The following DMD variants were observed in gnomAD, a reference collection of about 807,000 sequenced individuals.
DMD encodes the protein dystrophin.
Under a neutral mutation model 330.1 loss-of-function variants are expected in DMD, and 63 were observed. That is an observed-to-expected ratio of 0.19 (90% CI 0.16 to 0.24). The LOEUF is 0.24. Ranked by LOEUF, DMD falls within the 10% of genes least tolerant of loss-of-function variation. The pLI is 1.00. For synonymous variants in DMD, 1,223 were observed against 959.8 expected, an observed-to-expected ratio of 1.27 and a Z score of -5.07; for missense variants, 3,344 against 2,684.1, an observed-to-expected ratio of 1.25 and a Z score of -5.43.
intron 45 of DMD, among the ~76,000 whole-genome samples, chrX:31,949,811 A>T (rs1392123744): frequency 9.0e-6 from 1 of 110,971 alleles, no homozygotes; most frequent in Admixed American, 9.6e-5. Context: ...AATGTTGTTC[A>T]TGTTATTACA....
chrX:31,560,655 C>A (rs1318592752), intron 55 of DMD, among the ~76,000 whole-genome samples: 2 of 110,992 alleles, frequency 1.8e-5, no homozygotes, highest in Non-Finnish European at 3.8e-5. Flanking sequence ...CTGGGCCCAG[C>A]ATTTAGATTG....
chrX:33,226,782 T>TTATC (rs1348651389), intron 1 of DMD, among the ~76,000 whole-genome samples: 1 of 109,879 alleles, frequency 9.1e-6, no homozygotes, highest in Non-Finnish European at 1.9e-5. Context: ...GAATTTACAG[T>TTATC]TATCTATCTA....
At chrX:32,077,773 A>T (rs185993447) in intron 44 of DMD, among the ~76,000 whole-genome samples, 1 of 111,746 alleles carries the variant, frequency 8.9e-6, no homozygotes, top group Non-Finnish European at 1.9e-5. Flanking sequence ...CCAAAAAATT[A>T]TATGTTGCCA....
At chrX:32,189,884 A>AT (rs760333810) in intron 44 of DMD, among the ~76,000 whole-genome samples, 292 of 110,589 alleles carry the variant, frequency 2.6e-3, no homozygotes, top group African/African-American at 8.1e-3. Flanking sequence ...GTTTTGTTAC[A>AT]TTTTTTTTAT....
rs138615395 is a variant in DMD at position 31,891,411 on chromosome X, G to A, written c.6913-16038C>T. ...CCAAAATAGTTTTATATTCTGCGAGGATTGTTGCCATAACCCCATTTCAAC... is the reference window on the plus strand; with the variant it reads ...CCAAAATAGTTTTATATTCTGCGAGAATTGTTGCCATAACCCCATTTCAAC... On this transcript the variant is annotated intron_variant, in intron 47 of 78. Coordinates refer to ENST00000357033, the MANE Select transcript of DMD (RefSeq NM_004006.3). 8.6e-3 allele frequency among the ~76,000 whole-genome samples: 963 copies of A among 111,986 alleles called. 5 individuals carry two copies. Among genetic ancestry groups the A allele is most frequent in the Non-Finnish European group, 0.015 (782 of 53,177 alleles).
At chrX:32,448,014 G>A (rs1055938827) in intron 27 of DMD, among the ~76,000 whole-genome samples, 5 of 110,740 alleles carry the variant, frequency 4.5e-5, no homozygotes, top group African/African-American at 1.6e-4. Flanking sequence ...AAAGACAATT[G>A]TAGTAAAAAC....
At chrX:31,312,515 T>A (rs1277351049) in intron 62 of DMD, among the ~76,000 whole-genome samples, 1 of 112,443 alleles carries the variant, frequency 8.9e-6, no homozygotes, top group Non-Finnish European at 1.9e-5. Context: ...GATGGGAATG[T>A]AAATTAGTTC....
Position 32,559,246 on chromosome X carries a change from C to T in DMD, c.1992+6456G>A, listed in dbSNP as rs949782342. Among the ~76,000 whole-genome samples the T allele has an allele frequency of 3.8e-4, 42 of 110,894 alleles. No individual in the cohort carries two copies. The Admixed American group carries it at 4.0e-3, about 11-fold the overall frequency. On this transcript the variant is annotated intron_variant, in intron 16 of 78. Transcript: ENST00000357033. The stretch of plus-strand genomic sequence containing the variant: ...GGGATTACAAGTGTGAGCCACCACA[C>T]TCGGTCAACTTCAAATTTTTCTAAT...
chrX:32,942,436 G>C (rs1366064353), intron 2 of DMD, among the ~76,000 whole-genome samples: 1 of 111,023 alleles, frequency 9.0e-6, no homozygotes, highest in African/African-American at 3.3e-5. Context: ...CCAGCTAGTT[G>C]GGAGGCTGAG....
At chrX:31,217,847 G>GATAC (rs1204541317) in intron 64 of DMD, among the ~76,000 whole-genome samples, 1 of 111,983 alleles carries the variant, frequency 8.9e-6, no homozygotes, top group African/African-American at 3.2e-5. Flanking sequence ...ACTTAATTTA[G>GATAC]ATACATACAC....
intron 1 of DMD, among the ~76,000 whole-genome samples, chrX:33,323,165 C>T (rs778077671): frequency 4.5e-5 from 5 of 111,734 alleles, no homozygotes; most frequent in African/African-American, 1.6e-4. Context: ...TGGCAACCAA[C>T]AGGTTAGAAA....
chrX:32,969,054 A>ACC, intron 2 of DMD, among the ~76,000 whole-genome samples: 1 of 94,804 alleles, frequency 1.1e-5, no homozygotes, highest in African/African-American at 4.2e-5. Flanking sequence ...AAAAAAAAAA[A>ACC]AAGAACCTAG....
chrX:31,745,262 CT>C (rs946040259), intron 51 of DMD, among the ~76,000 whole-genome samples: 3 of 110,969 alleles, frequency 2.7e-5, no homozygotes, highest in Non-Finnish European at 5.7e-5. Flanking sequence ...GGAAGGGCAG[CT>C]GTGTAATTAG....
chrX:32,783,712 G>A (rs2075097719), intron 7 of DMD, among the ~76,000 whole-genome samples: 1 of 110,822 alleles, frequency 9.0e-6, no homozygotes, highest in South Asian at 3.8e-4. Flanking sequence ...AATGTAAACA[G>A]GAGGATGTGC....
At chrX:32,867,400 A>G (rs2082599663) in intron 2 of DMD, among the ~76,000 whole-genome samples, 2 of 112,376 alleles carry the variant, frequency 1.8e-5, no homozygotes, top group African/African-American at 6.5e-5. Context: ...AAAGTTGAAT[A>G]AGAGCCAAAG....
intron 30 of DMD, among the ~76,000 whole-genome samples, chrX:32,399,089 A>C (rs1214575847): frequency 8.9e-6 from 1 of 112,258 alleles, no homozygotes; most frequent in Non-Finnish European, 1.9e-5. Context: ...TCAAATCAAA[A>C]TGGATTAAAT....
intron 55 of DMD, among the ~76,000 whole-genome samples, chrX:31,623,264 T>G (rs2078658677): frequency 9.0e-6 from 1 of 111,254 alleles, no homozygotes; most frequent in Non-Finnish European, 1.9e-5. Context: ...TTATTTTATT[T>G]TATTTTAATT....
chrX:33,031,953 G>A (rs184434212), intron 1 of DMD, among the ~76,000 whole-genome samples: 9 of 112,245 alleles, frequency 8.0e-5, no homozygotes, highest in Non-Finnish European at 1.3e-4. Context: ...CAAAGTAAGT[G>A]CCAATAGAGA....
At chrX:32,363,994 G>A (rs979293251) in intron 36 of DMD, among the ~76,000 whole-genome samples, 6 of 111,386 alleles carry the variant, frequency 5.4e-5, no homozygotes, top group Middle Eastern at 4.7e-3. Flanking sequence ...CCCTTTTATC[G>A]GAATCATTTT....
Sources: gnomAD v4.1 joint callset for allele counts (sites outside exome capture counted in the v4.1 genomes callset) on GRCh38, gnomAD v4.1.1 for gene constraint, MANE v1.5 for transcripts, NCBI Gene and HGNC (gene_info 2026-07-23, HGNC 2026-07-21) for gene names.